Variants in TWSG1 observed in about 807,000 individuals in gnomAD.
TWSG1 encodes twisted gastrulation BMP signaling modulator 1, also known as twisted gastrulation protein homolog 1.
A neutral mutation model predicts 23.0 loss-of-function variants in TWSG1; 15 were observed. That is an observed-to-expected ratio of 0.65 (90% CI 0.44 to 1.00). The LOEUF is 1.00. Ranked by LOEUF, TWSG1 falls within the 50% of genes least tolerant of loss-of-function variation. TWSG1 has a pLI of 0.00. For missense variants in TWSG1, 242 were observed against 278.7 expected (o/e 0.87, Z 0.94); for synonymous variants, 86 against 92.8 (o/e 0.93, Z 0.42).
intron 3 of TWSG1, 130 bp downstream of exon 3, chr18:9,360,201 A>C (rs1190046436): frequency 1.6e-6 from 1 of 606,130 alleles, no homozygotes; most frequent in Non-Finnish European, 2.8e-6. Context: ...GTAAACATAC[A>C]GAACATTGTA....
chr18:9,374,978 TA>T (rs1337314660), intron 3 of TWSG1, among the ~76,000 whole-genome samples: 2 of 152,134 alleles, frequency 1.3e-5, no homozygotes, highest in Admixed American at 6.6e-5. Flanking sequence ...ACATCCTGGC[TA>T]ACACAGTGAA....
intron 3 of TWSG1, among the ~76,000 whole-genome samples, chr18:9,373,226 C>T (rs2040614314): frequency 6.6e-6 from 1 of 152,128 alleles, no homozygotes; most frequent in Admixed American, 6.6e-5. Flanking sequence ...AATGTGTATG[C>T]ACCTAACAAC....
At chr18:9,336,646 G>A (rs2145587681) in intron 1 of TWSG1, among the ~76,000 whole-genome samples, 1 of 151,902 alleles carries the variant, frequency 6.6e-6, no homozygotes, top group East Asian at 1.9e-4. Context: ...GTTTTATATG[G>A]GCTTACAGTT....
intron 3 of TWSG1, 29 bp from the exon 4 acceptor site, chr18:9,396,251 A>G (rs779860234): frequency 3.1e-6 from 5 of 1,606,860 alleles, no homozygotes; most frequent in Non-Finnish European, 4.3e-6. Context: ...AGTAACTAAC[A>G]AAATCTTATG....
chr18:9,360,120 C>T (rs1286174720), intron 3 of TWSG1, 49 bp downstream of exon 3: 4 of 1,499,592 alleles, frequency 2.7e-6, no homozygotes, highest in Admixed American at 1.7e-5. Flanking sequence ...TCACAGAATC[C>T]TTGGCTTTAA....
At chr18:9,366,728 A>AT (rs1431792212) in intron 3 of TWSG1, among the ~76,000 whole-genome samples, 1 of 152,046 alleles carries the variant, frequency 6.6e-6, no homozygotes, top group Non-Finnish European at 1.5e-5. Context: ...AGGAGTTCAA[A>AT]TTTTCTGTTT....
At chr18:9,377,935 T>G (rs1211333118) in intron 3 of TWSG1, among the ~76,000 whole-genome samples, 2 of 152,118 alleles carry the variant, frequency 1.3e-5, no homozygotes, top group Non-Finnish European at 2.9e-5. Flanking sequence ...CCCAGGCTGG[T>G]CTTGAACTCT....
rs772125191 is a variant in TWSG1, at chr18:9,348,991, A to C, written c.124-10981A>C. Among the ~76,000 whole-genome samples the C allele has an allele frequency of 3.9e-5, 6 of 152,156 alleles. No homozygotes were observed. In the East Asian group the frequency reaches 9.6e-4, roughly 24 times the overall value. On this transcript the variant is annotated intron_variant, in intron 2 of 4. Transcript: ENST00000262120. ...CAGTACAGTCATTCCTGCCACTCCT[A>C]CAAGTTGCTGTGCCTAAAGGTGGTC...
chr18:9,389,172 C>G (rs181331439), intron 3 of TWSG1, among the ~76,000 whole-genome samples: 1 of 152,034 alleles, frequency 6.6e-6, no homozygotes, highest in African/African-American at 2.4e-5. Context: ...GACAGGGTTT[C>G]TCCATGTTGG....
At chr18:9,383,190 T>TTG (rs112809863) in intron 3 of TWSG1, among the ~76,000 whole-genome samples, 69,298 of 137,726 alleles carry the variant, frequency 0.5, 16,629 homozygotes, top group Middle Eastern at 0.61. Context: ...CACGTTTTTT[T>TTG]TTTGTTTTTT....
chr18:9,382,083 C>CTT (rs11369376), intron 3 of TWSG1, among the ~76,000 whole-genome samples: 17,763 of 145,544 alleles, frequency 0.12, 1,264 homozygotes, highest in Middle Eastern at 0.26. Context: ...TATTTTTAGT[C>CTT]TTTTTTTTTT....
intron 2 of TWSG1, among the ~76,000 whole-genome samples, chr18:9,341,074 G>A (rs1233571916): frequency 6.6e-6 from 1 of 151,926 alleles, no homozygotes; most frequent in Admixed American, 6.5e-5. Context: ...GTGTATATAT[G>A]TGTGTGTCTC....
chr18:9,365,573 G>A, intron 3 of TWSG1, among the ~76,000 whole-genome samples: 1 of 151,576 alleles, frequency 6.6e-6, no homozygotes, highest in East Asian at 1.9e-4. Context: ...GTGGGAGCGG[G>A]GGCTGTGGCA....
chr18:9,391,761 A>T (rs950452773), intron 3 of TWSG1, among the ~76,000 whole-genome samples: 1 of 152,204 alleles, frequency 6.6e-6, no homozygotes, highest in African/African-American at 2.4e-5. Flanking sequence ...TGAGATAATA[A>T]GACTTGCAAG....
chr18:9,358,416 T>C (rs1264788224), intron 2 of TWSG1, among the ~76,000 whole-genome samples: 2 of 152,172 alleles, frequency 1.3e-5, no homozygotes, highest in African/African-American at 4.8e-5. Flanking sequence ...TCACCTGTGT[T>C]CCAATTATTT....
Position 9,383,259 on chromosome 18 carries a change from ATC to A in TWSG1, c.224-13019_224-13018del, listed in dbSNP as rs2040667699. ...ACCCAGGCTGAGGTGCAGAGGTGTG[ATC>A]TTGGCCACTGCAGACTCCGCCTCCC... is the stretch of plus-strand genomic sequence containing the variant. On this transcript the variant is annotated intron_variant, in intron 3 of 4. Coordinates refer to ENST00000262120, the MANE Select transcript of TWSG1 (RefSeq NM_020648.6). Among the ~76,000 whole-genome samples, 4 of 134,592 alleles carry A rather than the reference ATC, an allele frequency of 3.0e-5. 1 individual carries two copies. The South Asian group carries it at 9.4e-4, about 32-fold the overall frequency. 88.3% of individuals were successfully genotyped at this position (134,592 alleles called of 152,430 possible).
chr18:9,381,765 TAAAG>T (rs2040657286), intron 3 of TWSG1, among the ~76,000 whole-genome samples: 1 of 152,142 alleles, frequency 6.6e-6, no homozygotes, highest in Non-Finnish European at 1.5e-5. Context: ...ATACAACTAG[TAAAG>T]AGGTATATAT....
At chr18:9,381,486 A>C (rs1028339307) in intron 3 of TWSG1, among the ~76,000 whole-genome samples, 3 of 152,124 alleles carry the variant, frequency 2.0e-5, no homozygotes, top group African/African-American at 7.2e-5. Flanking sequence ...GCATTTTAAA[A>C]CTCATGAAGT....
chr18:9,377,053 A>G (rs759962936), intron 3 of TWSG1, among the ~76,000 whole-genome samples: 1 of 152,000 alleles, frequency 6.6e-6, no homozygotes, highest in Non-Finnish European at 1.5e-5. Flanking sequence ...CAAAAACTAT[A>G]CCACTTTATA....
Sources: allele counts gnomAD v4.1 joint callset (sites outside exome capture counted in the v4.1 genomes callset), GRCh38; gene constraint gnomAD v4.1.1; transcripts MANE v1.5; gene names NCBI Gene and HGNC (gene_info 2026-07-23, HGNC 2026-07-21).